Variants in WNK1 observed in about 807,000 individuals in gnomAD.
WNK1 encodes WNK lysine deficient protein kinase 1.
Under a neutral mutation model 222.8 loss-of-function variants are expected in WNK1, and 38 were observed. The ratio of observed to expected loss-of-function variants is 0.17; its 90% CI spans 0.13 to 0.22. WNK1 has a LOEUF of 0.22. Among genes scored for constraint, WNK1 ranks in the 10% least tolerant of loss-of-function variants. The probability of loss-of-function intolerance (pLI) is 1.00; values close to 1 mark genes in which losing one functional copy is unlikely to be tolerated. For synonymous variants in WNK1, 1,090 were observed against 1,092.9 expected (o/e 1.00, Z 0.05); for missense variants, 2,348 against 2,918.4 (o/e 0.80, Z 4.50).
At position 883,098 on chromosome 12, in the gene WNK1, C is replaced by CCA. The variant is rs771835918; in HGVS notation, c.3489+39_3489+40insCA. The CCA allele has an allele frequency of 1.3e-5, 18 of 1,414,924 alleles. No homozygotes were observed. The African/African-American group carries it at 2.4e-4, about 19-fold the overall frequency. 87.6% of individuals were successfully genotyped at this position (1,414,924 alleles called of 1,614,324 possible). A position where few individuals can be genotyped will look rare whatever the true frequency, so the allele number is the denominator to read the frequency against. ...TGGAGTTCTAGGTTTTTCCTTAGTA[C>CCA]TTGATCTTAATAGCCATTGCTCTAG... On this transcript the variant is annotated intron_variant, in intron 15 of 27. Transcript: ENST00000315939.
chr12:755,111 A>G (rs529864513), intron 1 of WNK1, among the ~76,000 whole-genome samples: 18 of 152,292 alleles, frequency 1.2e-4, no homozygotes, highest in African/African-American at 4.3e-4. Context: ...GGTGTAAATA[A>G]TGGTGTGTCA....
chr12:882,961 C>A lies in WNK1; in HGVS notation c.3391C>A (p.Arg1131=). ...TTTTTAGGTTTCAAATAAAGGAGAC[C>A]GAGTAGTAGAATGTCAATTAGAGAC... ...RILNVSNKGD[R]VVECQLETHN... is the part of the protein sequence containing the mutation. The change falls in exon 15 of 28, where the codon CGA becomes AGA. Residue 1131 remains arginine (R), a synonymous_variant. Transcript: ENST00000315939. 6.2e-7 allele frequency: 1 copy of A among 1,611,246 alleles called. No individual in the cohort carries two copies. The highest frequency in any genetic ancestry group is 8.5e-7 in the Non-Finnish European group (1 of 1,177,620).
chr12:828,501 G>T (rs1476366690), intron 3 of WNK1, among the ~76,000 whole-genome samples: 1 of 152,072 alleles, frequency 6.6e-6, no homozygotes. Flanking sequence ...GCAAGGGGCT[G>T]TCTTGTACGT....
In WNK1 at chr12:884,865, C is replaced by T. The variant is rs1259923870; in HGVS notation, c.4061C>T (p.Ala1354Val). The stretch of plus-strand genomic sequence containing the variant: ...GTCCCAACCACAGCAGCAGCCACAG[C>T]ACCAGTCCCTGCAACAAGCAGCCCT... ...AGVPTTAAAT[A>V]PVPATSSPPN... Residue 1354 changes from alanine (A) to valine (V), a missense_variant, in exon 19 of 28, where the codon GCA (alanine) becomes GTA (valine). Physicochemically the swap from Ala to Val is moderately conservative, Grantham distance 64. This residue lies in a region of WNK1 where 1,144 missense variants were observed against 1,273.6 expected (regional missense o/e 0.90). Coordinates refer to ENST00000315939, the MANE Select transcript of WNK1 (RefSeq NM_018979.4). The surrounding 1 kb of genome is among the most constrained non-coding windows in gnomAD (Gnocchi z 5.6). 6.2e-7 allele frequency: 1 copy of T among 1,614,160 alleles called. No homozygotes were observed. Among genetic ancestry groups the T allele is most frequent in the Non-Finnish European group, 8.5e-7 (1 of 1,180,026 alleles).
intron 2 of WNK1, among the ~76,000 whole-genome samples, chr12:818,523 C>T (rs1293790014): frequency 6.6e-6 from 1 of 152,158 alleles, no homozygotes; most frequent in Non-Finnish European, 1.5e-5. Context: ...ACCATCTTAA[C>T]CATTTTTAAG....
intron 1 of WNK1, among the ~76,000 whole-genome samples, chr12:777,130 C>CT (rs1943195582): frequency 7.1e-6 from 1 of 141,796 alleles, no homozygotes; most frequent in East Asian, 2.0e-4. Flanking sequence ...AGCATCTGTG[C>CT]TTTTTTTCAT....
chr12:898,497 AAAG>A (rs1375688574), intron 25 of WNK1, among the ~76,000 whole-genome samples: 233 of 151,718 alleles, frequency 1.5e-3, no homozygotes, highest in Non-Finnish European at 2.8e-3. Context: ...AAAAAAAAAA[AAAG>A]AAGAACTTGC....
chr12:863,724 G>A (rs1484612420), intron 8 of WNK1, among the ~76,000 whole-genome samples: 2 of 151,958 alleles, frequency 1.3e-5, no homozygotes, highest in African/African-American at 4.8e-5. Flanking sequence ...AGTATTCTAT[G>A]GAGGTATTAT....
chr12:882,242 G>C (rs1448660179), intron 14 of WNK1, among the ~76,000 whole-genome samples, 169 bp downstream of exon 14: 1 of 151,992 alleles, frequency 6.6e-6, no homozygotes, highest in Admixed American at 6.6e-5. Context: ...TGTCGCCCAG[G>C]CTGGAGTGCA....
At chr12:860,385 A>G (rs1423023867) in intron 6 of WNK1, among the ~76,000 whole-genome samples, 2 of 152,218 alleles carry the variant, frequency 1.3e-5, no homozygotes, top group Non-Finnish European at 2.9e-5. Context: ...TATGCTTGCC[A>G]TAGTGCCCAA....
At chr12:815,907 C>T (rs935951813) in intron 2 of WNK1, among the ~76,000 whole-genome samples, 2 of 152,176 alleles carry the variant, frequency 1.3e-5, no homozygotes, top group African/African-American at 2.4e-5. Flanking sequence ...TTTTCCAATA[C>T]GTGTCTAAGC....
At position 764,634 on chromosome 12, in the gene WNK1, CAAAAAAAAAAA is replaced by C. The variant is rs529312629; in HGVS notation, c.759+10320_759+10330del. Among the ~76,000 whole-genome samples the C allele has an allele frequency of 5.4e-4, 27 of 50,158 alleles. 1 individual carries two copies. The highest frequency in any genetic ancestry group is 1.5e-3 in the African/African-American group (17 of 11,716). The allele number at this position is 50,158 out of a possible 152,430, so 32.9% of individuals were successfully genotyped here. On this transcript the variant is annotated intron_variant, in intron 1 of 27. Coordinates refer to ENST00000315939, the MANE Select transcript of WNK1 (RefSeq NM_018979.4). The stretch of plus-strand genomic sequence containing the variant: ...CTGGGCAACGAGCGAAACTCCGTCT[CAAAAAAAAAAA>C]AAAAAAAAAGAAAGAAAAATCATTA...
intron 8 of WNK1, chr12:869,035 C>G: frequency 6.2e-7 from 1 of 1,612,800 alleles, no homozygotes; most frequent in Non-Finnish European, 8.5e-7. Flanking sequence ...TCTGTTTCCC[C>G]CAAGGAACCA....
intron 1 of WNK1, among the ~76,000 whole-genome samples, chr12:804,977 T>C (rs1470400148): frequency 6.7e-6 from 1 of 148,452 alleles, no homozygotes; most frequent in Admixed American, 6.7e-5. Flanking sequence ...AATATTTTAA[T>C]ATTAAATAAT....
At chr12:788,204 T>A (rs1944497616) in intron 1 of WNK1, among the ~76,000 whole-genome samples, 2 of 152,156 alleles carry the variant, frequency 1.3e-5, no homozygotes. Flanking sequence ...TAGCAACACC[T>A]AGTTAGTATT....
At chr12:774,882 T>G (rs1942929372) in intron 1 of WNK1, among the ~76,000 whole-genome samples, 1 of 152,252 alleles carries the variant, frequency 6.6e-6, no homozygotes, top group African/African-American at 2.4e-5. Context: ...TAACCAGTTT[T>G]CATAAGTTCC....
intron 16 of WNK1, 78 bp downstream of exon 16, chr12:883,646 C>T: frequency 1.2e-6 from 2 of 1,600,874 alleles, no homozygotes; most frequent in Admixed American, 1.7e-5. Context: ...TGCAAAATGT[C>T]CAGTGATATC....
At chr12:862,481 A>G (rs1162133335) in intron 8 of WNK1, among the ~76,000 whole-genome samples, 1 of 152,232 alleles carries the variant, frequency 6.6e-6, no homozygotes, top group Non-Finnish European at 1.5e-5. Flanking sequence ...TATGTGCAAG[A>G]TTTAGATTAG....
At chr12:789,356 C>A (rs1944623628) in intron 1 of WNK1, among the ~76,000 whole-genome samples, 1 of 152,058 alleles carries the variant, frequency 6.6e-6, no homozygotes, top group African/African-American at 2.4e-5. Flanking sequence ...AGACAGAATT[C>A]TTTGCTGTTA....
Sources: allele counts gnomAD v4.1 joint callset (sites outside exome capture counted in the v4.1 genomes callset), GRCh38; gene constraint gnomAD v4.1.1; regional missense constraint gnomAD v4.1.1; non-coding constraint Gnocchi (gnomAD v3.1); transcripts MANE v1.5; gene names NCBI Gene and HGNC (gene_info 2026-07-23, HGNC 2026-07-21).